The following ARHGAP15 variants were observed in gnomAD, a reference collection of about 807,000 sequenced individuals.
The protein encoded by ARHGAP15 is rho GTPase-activating protein 15.
In ARHGAP15, 51 loss-of-function variants were observed where a neutral mutation model predicts 63.7. That is an observed-to-expected ratio of 0.80 (90% CI 0.64 to 1.01). The LOEUF (loss-of-function observed/expected upper bound fraction) is 1.01, where lower values mean the gene tolerates loss of function less well. Ranked by LOEUF, ARHGAP15 falls within the 50% of genes least tolerant of loss-of-function variation. The pLI is 0.00. For missense variants in ARHGAP15, 560 were observed against 564.6 expected (o/e 0.99, Z 0.08); for synonymous variants, 191 against 193.8 (o/e 0.99, Z 0.12).
intron 13 of ARHGAP15, among the ~76,000 whole-genome samples, chr2:143,707,516 A>T (rs1026460705): frequency 1.3e-5 from 2 of 152,238 alleles, no homozygotes; most frequent in South Asian, 4.1e-4. Flanking sequence ...GGTGTGTATT[A>T]ATCAAGGCCT....
intron 11 of ARHGAP15, among the ~76,000 whole-genome samples, chr2:143,574,553 T>C (rs1696594672): frequency 6.6e-6 from 1 of 152,060 alleles, no homozygotes; most frequent in Non-Finnish European, 1.5e-5. Flanking sequence ...GGGGAACTGT[T>C]CATTAAACCT....
chr2:143,630,447 G>C, intron 12 of ARHGAP15, among the ~76,000 whole-genome samples: 1 of 152,030 alleles, frequency 6.6e-6, no homozygotes, highest in East Asian at 1.9e-4. Context: ...AGGATGAAAA[G>C]CAATGGATTG....
intron 12 of ARHGAP15, among the ~76,000 whole-genome samples, chr2:143,638,633 C>T (rs1026229420): frequency 1.4e-5 from 2 of 141,114 alleles, no homozygotes; most frequent in African/African-American, 2.6e-5. Flanking sequence ...CACATGTACC[C>T]TAAAACTTAA....
intron 3 of ARHGAP15, among the ~76,000 whole-genome samples, chr2:143,212,969 C>A (rs1483107384): frequency 6.6e-6 from 1 of 152,162 alleles, no homozygotes; most frequent in Non-Finnish European, 1.5e-5. Flanking sequence ...TTGGAATTTT[C>A]TACCCAGGCT....
rs2105332548 is a variant in ARHGAP15, at chr2:143,359,743, A to G, written c.475-75858A>G. On this transcript the variant is annotated intron_variant, in intron 6 of 13. Transcript: ENST00000295095. ...AATATTATGCTTAGTTTTTATTCAC[A>G]CAATAATGTGCCTGTTGGTTTTAAC... 2.0e-5 allele frequency among the ~76,000 whole-genome samples: 3 copies of G among 152,342 alleles called. No individual in the cohort carries two copies. In the South Asian group the frequency reaches 6.2e-4, roughly 32 times the overall value.
intron 9 of ARHGAP15, among the ~76,000 whole-genome samples, chr2:143,511,128 T>C (rs910454393): frequency 2.0e-5 from 3 of 152,206 alleles, no homozygotes; most frequent in African/African-American, 7.2e-5. Flanking sequence ...CTGGTTATGC[T>C]GATGAACTAA....
At chr2:143,555,699 G>T (rs1015733090) in intron 10 of ARHGAP15, among the ~76,000 whole-genome samples, 1 of 151,884 alleles carries the variant, frequency 6.6e-6, no homozygotes, top group African/African-American at 2.4e-5. Context: ...TTACCATTTC[G>T]CTAAAGATTT....
chr2:143,315,155 AGAATT>A (rs1683642099), intron 6 of ARHGAP15, among the ~76,000 whole-genome samples: 2 of 152,214 alleles, frequency 1.3e-5, no homozygotes, highest in Non-Finnish European at 2.9e-5. Context: ...CTAAGCAAGT[AGAATT>A]TTAACATATC....
intron 6 of ARHGAP15, among the ~76,000 whole-genome samples, chr2:143,287,544 G>A (rs1179937866): frequency 2.0e-5 from 3 of 151,988 alleles, no homozygotes; most frequent in African/African-American, 4.8e-5. Flanking sequence ...GGTACCTCAC[G>A]CCTGTAATCC....
intron 12 of ARHGAP15, among the ~76,000 whole-genome samples, chr2:143,652,846 T>G (rs1681241997): frequency 6.6e-6 from 1 of 152,118 alleles, no homozygotes; most frequent in Non-Finnish European, 1.5e-5. Flanking sequence ...GAAGATTATG[T>G]GATCCTTGGA....
chr2:143,712,920 G>A (rs1684645526), intron 13 of ARHGAP15, among the ~76,000 whole-genome samples: 1 of 152,132 alleles, frequency 6.6e-6, no homozygotes, highest in African/African-American at 2.4e-5. Flanking sequence ...TGCTCTTAGA[G>A]CACTGGCTCC....
intron 11 of ARHGAP15, among the ~76,000 whole-genome samples, chr2:143,589,157 A>G (rs1413122996): frequency 6.6e-6 from 1 of 152,182 alleles, no homozygotes; most frequent in African/African-American, 2.4e-5. Context: ...TCCTCCTTTC[A>G]ACATATCATT....
At chr2:143,485,653 A>AT (rs886227087) in intron 8 of ARHGAP15, among the ~76,000 whole-genome samples, 15 of 150,920 alleles carry the variant, frequency 9.9e-5, no homozygotes, top group South Asian at 2.1e-4. Flanking sequence ...GTCTGGAGGC[A>AT]TTTTTTTTTA....
At position 143,504,096 on chromosome 2, in the gene ARHGAP15, A is replaced by G. The variant is rs1354732769; in HGVS notation, c.827-15170A>G. On this transcript the variant is annotated intron_variant, in intron 9 of 13. Transcript: ENST00000295095. ...GGACTTTTGTAAAAATGGGTGAGAC[A>G]TTTGAGGTACACAATCGTAGGAAAG... Among the ~76,000 whole-genome samples the G allele has an allele frequency of 6.6e-5, 10 of 152,308 alleles. No homozygotes were observed. The East Asian group carries it at 1.9e-3, about 29-fold the overall frequency.
intron 2 of ARHGAP15, among the ~76,000 whole-genome samples, chr2:143,165,481 A>G (rs2105031820): frequency 6.6e-6 from 1 of 152,236 alleles, no homozygotes; most frequent in East Asian, 1.9e-4. Flanking sequence ...ATATAGGAAG[A>G]CAGGAAAACA....
chr2:143,615,446 C>T (rs1175074776), intron 11 of ARHGAP15, among the ~76,000 whole-genome samples: 1 of 152,168 alleles, frequency 6.6e-6, no homozygotes, highest in Non-Finnish European at 1.5e-5. Context: ...AATTATATTA[C>T]ATTCTGGAAA....
intron 9 of ARHGAP15, among the ~76,000 whole-genome samples, chr2:143,517,706 C>T (rs796447656): frequency 2.0e-5 from 3 of 152,078 alleles, no homozygotes; most frequent in African/African-American, 7.2e-5. Context: ...AAATGTAAGG[C>T]TGGGAAAGTG....
At chr2:143,748,808 C>T (rs575173949) in intron 13 of ARHGAP15, among the ~76,000 whole-genome samples, 1 of 152,314 alleles carries the variant, frequency 6.6e-6, no homozygotes, top group Admixed American at 6.5e-5. Flanking sequence ...CAGCCTGCTG[C>T]ATATACCATA....
intron 11 of ARHGAP15, among the ~76,000 whole-genome samples, chr2:143,621,138 T>C (rs1008677956): frequency 2.0e-5 from 3 of 152,188 alleles, no homozygotes; most frequent in African/African-American, 7.2e-5. Flanking sequence ...GAAATGCTAC[T>C]GGCATCTATT....
Sources: gnomAD v4.1 joint callset for allele counts (sites outside exome capture counted in the v4.1 genomes callset) on GRCh38, gnomAD v4.1.1 for gene constraint, MANE v1.5 for transcripts, NCBI Gene and HGNC (gene_info 2026-07-23, HGNC 2026-07-21) for gene names.